The following ARHGAP31 variants were observed in gnomAD, a reference collection of about 807,000 sequenced individuals.
ARHGAP31 encodes Rho GTPase activating protein 31, also known as rho GTPase-activating protein 31.
In ARHGAP31, 34 loss-of-function variants were observed where a neutral mutation model predicts 113.9. The ratio of observed to expected loss-of-function variants is 0.30; its 90% CI spans 0.23 to 0.40. The LOEUF is 0.40. ARHGAP31 is among the 10% of genes least tolerant of loss of function. ARHGAP31 has a pLI of 1.00. For synonymous variants in ARHGAP31, 650 were observed against 684.8 expected, an observed-to-expected ratio of 0.95 and a Z score of 0.79; for missense variants, 1,548 against 1,767.1, an observed-to-expected ratio of 0.88 and a Z score of 2.22.
intron 1 of ARHGAP31, chr3:119,298,848 T>C: frequency 4.6e-6 from 1 of 216,630 alleles, no homozygotes; most frequent in Non-Finnish European, 9.6e-6. Context: ...CTTCACCGCC[T>C]ATATACTTCC....
At chr3:119,339,231 T>C (rs2079987231) in intron 1 of ARHGAP31, among the ~76,000 whole-genome samples, 1 of 152,164 alleles carries the variant, frequency 6.6e-6, no homozygotes, top group Non-Finnish European at 1.5e-5. Context: ...ATAAGGTTGG[T>C]CAATAGTTTC....
chr3:119,342,736 G>A (rs2080020257), intron 1 of ARHGAP31, among the ~76,000 whole-genome samples: 1 of 152,152 alleles, frequency 6.6e-6, no homozygotes, highest in African/African-American at 2.4e-5. Flanking sequence ...GATCACCTGA[G>A]GTTGGGAGTT....
Position 119,419,561 on chromosome 3 carries a change from AAAAGG to A in ARHGAP31, c.*3298_*3302del, listed in dbSNP as rs2080805587. The A allele has an allele frequency of 6.6e-6, 1 of 152,176 alleles. No individual in the cohort carries two copies. The highest frequency in any genetic ancestry group is 1.9e-4 in the East Asian group (1 of 5,190). 9.4% of individuals were successfully genotyped at this position (152,176 alleles called of 1,614,324 possible). A position where few individuals can be genotyped will look rare whatever the true frequency, so the allele number is the denominator to read the frequency against. On this transcript the variant is annotated 3_prime_UTR_variant, in exon 12 of 12. Coordinates refer to ENST00000264245, the MANE Select transcript of ARHGAP31 (RefSeq NM_020754.4). Reference sequence around the variant, plus strand: ...CCCAAATCATTCAAGAGTCTAGTGAAAAAGGGGGAGGGATGGCAGCAAATAAAACA... The same window carrying A: ...CCCAAATCATTCAAGAGTCTAGTGAAGGGAGGGATGGCAGCAAATAAAACA...
At position 119,294,996 on chromosome 3, in the gene ARHGAP31, G is replaced by A. The variant is rs2107589177; in HGVS notation, c.92G>A (p.Gly31Glu). ...CDLTEYLESS[G>E]QDVPYVLKSC... ...CTGACGGAGTATCTGGAAAGCTCGG[G>A]ACAGGATGGTAATGTGCCTTGGCCT... is the stretch of plus-strand genomic sequence containing the variant. Residue 31 changes from glycine (G) to glutamate (E), a missense_variant, in exon 1 of 12, where the codon GGA becomes GAA. Gly to Glu is a moderately conservative substitution (Grantham distance 98). Coordinates refer to ENST00000264245, the MANE Select transcript of ARHGAP31 (RefSeq NM_020754.4). The A allele has an allele frequency of 6.2e-7, 1 of 1,614,176 alleles. No homozygotes were observed.
intron 1 of ARHGAP31, among the ~76,000 whole-genome samples, chr3:119,306,306 G>A (rs952635779): frequency 6.6e-6 from 1 of 152,132 alleles, no homozygotes; most frequent in Non-Finnish European, 1.5e-5. Context: ...TGTAATCATA[G>A]CACTTTGGGA....
At chr3:119,376,523 T>TC (rs1341010705) in intron 3 of ARHGAP31, among the ~76,000 whole-genome samples, 1 of 152,170 alleles carries the variant, frequency 6.6e-6, no homozygotes, top group Non-Finnish European at 1.5e-5. Context: ...GTTCAGTGTG[T>TC]CCCCGCTGTC....
intron 1 of ARHGAP31, among the ~76,000 whole-genome samples, chr3:119,354,341 A>T (rs1006257800): frequency 6.6e-6 from 1 of 152,110 alleles, no homozygotes; most frequent in East Asian, 1.9e-4. Context: ...TCTTTCTTTT[A>T]AAAAAAATGC....
rs531290702 is a variant in ARHGAP31 at position 119,408,465 on chromosome 3, G to A, written c.1646-1031G>A. Among the ~76,000 whole-genome samples, 11 of 152,332 alleles carry A rather than the reference G, an allele frequency of 7.2e-5. No individual in the cohort carries two copies. In the East Asian group the frequency reaches 2.1e-3, roughly 29 times the overall value. On this transcript the variant is annotated intron_variant, in intron 10 of 11. Coordinates refer to ENST00000264245, the MANE Select transcript of ARHGAP31 (RefSeq NM_020754.4). ...CCAGTGTAAACAATGGCAATGAGTG[G>A]TTTGGTCTTAACCAATCTTAACCAA...
chr3:119,319,181 G>A (rs2079760555), intron 1 of ARHGAP31, among the ~76,000 whole-genome samples: 1 of 150,500 alleles, frequency 6.6e-6, no homozygotes, highest in African/African-American at 2.4e-5. Context: ...TAATCTTCTG[G>A]TATGGGTGCT....
chr3:119,309,769 T>TC lies in ARHGAP31; in HGVS notation c.100+14772dup, dbSNP rs532050274. Among the ~76,000 whole-genome samples, 1,065 of 149,932 alleles carry TC rather than the reference T, an allele frequency of 7.1e-3. 17 individuals are homozygous for TC. The highest frequency in any genetic ancestry group is 6.3e-3 in the African/African-American group (256 of 40,704). ...TGAGACTCTGTCTCAAAAAAAACTA[T>TC]CCCCCCCACCACAACCACCAGCACC... On this transcript the variant is annotated intron_variant, in intron 1 of 11. Transcript: ENST00000264245.
At chr3:119,391,011 A>G in intron 7 of ARHGAP31, 28 bp downstream of exon 7, 1 of 1,609,722 alleles carries the variant, frequency 6.2e-7, no homozygotes. Context: ...AAAAAATTCT[A>G]GGAGATGTGT....
At chr3:119,387,611 G>A (rs1217257140) in intron 6 of ARHGAP31, among the ~76,000 whole-genome samples, 1 of 152,096 alleles carries the variant, frequency 6.6e-6, no homozygotes, top group African/African-American at 2.4e-5. Context: ...ATAGCAGAAG[G>A]CATTGAATCC....
At chr3:119,401,335 C>G (rs1255039562) in intron 9 of ARHGAP31, among the ~76,000 whole-genome samples, 1 of 152,124 alleles carries the variant, frequency 6.6e-6, no homozygotes, top group Non-Finnish European at 1.5e-5. Context: ...AATCAAACCC[C>G]CCTGTCTGGG....
intron 1 of ARHGAP31, among the ~76,000 whole-genome samples, chr3:119,332,635 T>TCACA (rs71156743): frequency 0.22 from 18,855 of 85,578 alleles, 2,280 homozygotes; most frequent in Middle Eastern, 0.29. Context: ...TCTCTCTCTC[T>TCACA]CACACACACA....
At chr3:119,390,246 G>T (rs1031896370) in intron 6 of ARHGAP31, among the ~76,000 whole-genome samples, 2 of 152,248 alleles carry the variant, frequency 1.3e-5, no homozygotes, top group African/African-American at 2.4e-5. Context: ...AGTATAGGCT[G>T]TAAAATATCT....
intron 2 of ARHGAP31, 85 bp from the exon 3 acceptor site, chr3:119,368,287 C>A: frequency 6.4e-7 from 1 of 1,552,344 alleles, no homozygotes; most frequent in Non-Finnish European, 8.9e-7. Flanking sequence ...AGTTTAGGGT[C>A]TTTTTACCCC....
chr3:119,394,316 T>C (rs2080529221), intron 8 of ARHGAP31, among the ~76,000 whole-genome samples: 1 of 152,198 alleles, frequency 6.6e-6, no homozygotes, highest in African/African-American at 2.4e-5. Context: ...AATGATGATT[T>C]TCTATTAATT....
chr3:119,416,394 C>CAGCCTTTTG lies in ARHGAP31; in HGVS notation c.*132_*140dup. The CAGCCTTTTG allele has an allele frequency of 7.5e-7, 1 of 1,339,136 alleles. No individual in the cohort carries two copies. The highest frequency in any genetic ancestry group is 1.0e-6 in the Non-Finnish European group (1 of 960,172). 83.0% of individuals were successfully genotyped at this position (1,339,136 alleles called of 1,614,324 possible). A position where few individuals can be genotyped will look rare whatever the true frequency, so the allele number is the denominator to read the frequency against. On this transcript the variant is annotated 3_prime_UTR_variant, in exon 12 of 12. Coordinates refer to ENST00000264245, the MANE Select transcript of ARHGAP31 (RefSeq NM_020754.4). Reference sequence around the variant, plus strand: ...TTGTGGCCTCTGACTTCTCTTTCTTCAGCCTTTTGACCACTTATTAATTAG... The same window carrying CAGCCTTTTG: ...TTGTGGCCTCTGACTTCTCTTTCTTCAGCCTTTTGAGCCTTTTGACCACTTATTAATTAG...
rs911104934 is a variant in ARHGAP31, at chr3:119,313,994, A to G, written c.100+18990A>G. On this transcript the variant is annotated intron_variant, in intron 1 of 11. Coordinates refer to ENST00000264245, the MANE Select transcript of ARHGAP31 (RefSeq NM_020754.4). The stretch of plus-strand genomic sequence containing the variant: ...CGTCAATGGCTTTCCAGTGCCTGCA[A>G]GACAAACACCAACTCCATCAACACC... Among the ~76,000 whole-genome samples, 6 of 152,330 alleles carry G rather than the reference A, an allele frequency of 3.9e-5. No individual in the cohort carries two copies. The East Asian group carries it at 1.2e-3, about 29-fold the overall frequency.
Sources: allele counts gnomAD v4.1 joint callset (sites outside exome capture counted in the v4.1 genomes callset), GRCh38; gene constraint gnomAD v4.1.1; transcripts MANE v1.5; gene names NCBI Gene and HGNC (gene_info 2026-07-23, HGNC 2026-07-21).